Variants in WDR46 observed in about 807,000 individuals in gnomAD.
WDR46 encodes WD repeat-containing protein 46.
Under a neutral mutation model 74.7 loss-of-function variants are expected in WDR46, and 58 were observed. The ratio of observed to expected loss-of-function variants is 0.78; its 90% confidence interval spans 0.63 to 0.97. The LOEUF is 0.97. Ranked by LOEUF, WDR46 falls within the 50% of genes least tolerant of loss-of-function variation. The pLI is 0.00. For missense variants in WDR46, 702 were observed against 790.1 expected (o/e 0.89, Z 1.34); for synonymous variants, 278 against 297.3 (o/e 0.93, Z 0.67).
chr6:33,280,095 GGAA>G (rs1766000063), intron 12 of WDR46, among the ~76,000 whole-genome samples: 2 of 149,738 alleles, frequency 1.3e-5, no homozygotes, highest in East Asian at 4.0e-4. Flanking sequence ...CCAGCAGGGG[GGAA>G]CCTGACCCTC....
intron 10 of WDR46, among the ~76,000 whole-genome samples, chr6:33,286,464 T>C (rs976060088): frequency 6.6e-6 from 1 of 152,124 alleles, no homozygotes; most frequent in Non-Finnish European, 1.5e-5. Context: ...AAAGTTGTGA[T>C]AATTTGTTTT....
rs746543744 is a variant in WDR46 at position 33,279,170 on chromosome 6, T to C, written c.*106A>G. On this transcript the variant is annotated 3_prime_UTR_variant, in exon 15 of 15. Transcript: ENST00000374617. ...CCAGGAGACAGCTGTCCACCCCCAG[T>C]TGGGGAAGGGGCCACACTGCCCCCA... 9.4e-6 allele frequency: 14 copies of C among 1,483,966 alleles called. No homozygotes were observed. The highest frequency in any genetic ancestry group is 1.2e-5 in the South Asian group (1 of 80,636). The allele number at this position is 1,483,966 out of a possible 1,614,324, so 91.9% of individuals were successfully genotyped here.
rs772476741 is a variant in WDR46 at position 33,288,923 on chromosome 6, G to T, written c.160C>A (p.Arg54Ser). ...TAAGCATTTTTTGGTCTCTGAGGACGGAGCTCCCGATTCTTCTTGTTACGA... is the reference window on the plus strand; with the variant it reads ...TAAGCATTTTTTGGTCTCTGAGGACTGAGCTCCCGATTCTTCTTGTTACGA... ...PPRNKKNREL[R>S]PQRPKNAYIL... Residue 54 changes from arginine (R) to serine (S), a missense_variant, in exon 2 of 15, where the codon CGT (arginine) becomes AGT (serine). Coordinates refer to ENST00000374617, the MANE Select transcript of WDR46 (RefSeq NM_005452.6). The T allele has an allele frequency of 1.5e-5, 25 of 1,614,038 alleles. No individual in the cohort carries two copies. Among genetic ancestry groups the T allele is most frequent in the Non-Finnish European group, 1.9e-5 (23 of 1,180,018 alleles).
At position 33,289,212 on chromosome 6, in the gene WDR46, A is replaced by G. The variant is rs1181782820; in HGVS notation, c.-42T>C. ...GCGATCCACGTGCAAAACTCCTCTC[A>G]GCTGCCACACAGTCGGCTTGAAAAC... is the stretch of plus-strand genomic sequence containing the variant. On this transcript the variant is annotated 5_prime_UTR_variant, in exon 1 of 15. Transcript: ENST00000374617. The G allele has an allele frequency of 1.9e-6, 3 of 1,588,616 alleles. No individual in the cohort carries two copies. Among genetic ancestry groups the G allele is most frequent in the Non-Finnish European group, 2.6e-6 (3 of 1,168,348 alleles).
In WDR46 at chr6:33,287,721, G is replaced by C; in HGVS notation, c.624-3C>G. 1 of 1,613,754 alleles carries C rather than the reference G, an allele frequency of 6.2e-7. No homozygotes were observed. ...GGCGCCCTCCAAAAGCCAGGTGTCT[G>C]TTGGAGGTGAGGGGCAGGCAGGGTG... On this transcript the variant is annotated splice_region_variant and splice_polypyrimidine_tract_variant and intron_variant, in intron 6 of 14. Coordinates refer to ENST00000374617, the MANE Select transcript of WDR46 (RefSeq NM_005452.6).
rs754829442 is a variant in WDR46 at position 33,288,840 on chromosome 6, T to C, written c.243A>G (p.Glu81=). 6.2e-7 allele frequency: 1 copy of C among 1,614,130 alleles called. No homozygotes were observed. The highest frequency in any genetic ancestry group is 1.1e-5 in the South Asian group (1 of 91,076). The change falls in exon 2 of 15, where the codon GAA becomes GAG. Residue 81 remains glutamate (E), a synonymous_variant. Coordinates refer to ENST00000374617, the MANE Select transcript of WDR46 (RefSeq NM_005452.6). The part of the protein sequence containing the change: ...KKPQVPKKPR[E]WKNPESQRGL... ...CGCGCTGGGACTCCGGGTTCTTCCA[T>C]TCTCGGGGTTTCTTCGGGACCTGAG...
intron 12 of WDR46, among the ~76,000 whole-genome samples, chr6:33,280,205 C>T (rs1157763300): frequency 1.4e-5 from 2 of 146,798 alleles, no homozygotes; most frequent in Non-Finnish European, 3.0e-5. Flanking sequence ...AACCTGACCC[C>T]GTCCAGGAGA....
chr6:33,287,887 C>T, intron 6 of WDR46, 78 bp downstream of exon 6: 1 of 1,579,370 alleles, frequency 6.3e-7, no homozygotes, highest in Non-Finnish European at 8.7e-7. Context: ...TCATCAGCAA[C>T]CCAAACATAC....
Position 33,279,259 on chromosome 6 carries a change from C to T in WDR46, c.*17G>A. 1.2e-6 allele frequency: 2 copies of T among 1,613,852 alleles called. No individual in the cohort carries two copies. Among genetic ancestry groups the T allele is most frequent in the Non-Finnish European group, 1.7e-6 (2 of 1,179,848 alleles). Reference sequence around the variant, plus strand: ...ATCTTGGGGAGAGACTGTTCCCAGGCAACCCTGGAGTCTGGCTCAGCGCAC... The same window carrying T: ...ATCTTGGGGAGAGACTGTTCCCAGGTAACCCTGGAGTCTGGCTCAGCGCAC... On this transcript the variant is annotated 3_prime_UTR_variant, in exon 15 of 15. Coordinates refer to ENST00000374617, the MANE Select transcript of WDR46 (RefSeq NM_005452.6).
chr6:33,279,968 G>T, intron 12 of WDR46, 109 bp from the exon 13 acceptor site: 1 of 975,234 alleles, frequency 1.0e-6, no homozygotes, highest in Non-Finnish European at 1.5e-6. Context: ...CCCCCAGCAT[G>T]AGACATCAGG....
At chr6:33,281,092 A>G in intron 10 of WDR46, 105 bp from the exon 11 acceptor site, 1 of 1,189,974 alleles carries the variant, frequency 8.4e-7, no homozygotes, top group Non-Finnish European at 1.2e-6. Context: ...AAAGATTAAT[A>G]GTAATAACCA....
At chr6:33,281,984 C>A (rs1766227522) in intron 10 of WDR46, among the ~76,000 whole-genome samples, 1 of 152,188 alleles carries the variant, frequency 6.6e-6, no homozygotes, top group Admixed American at 6.5e-5. Context: ...CAGGCATGCG[C>A]CACCACCGCT....
intron 10 of WDR46, 113 bp from the exon 11 acceptor site, chr6:33,281,100 C>G (rs1766142949): frequency 9.4e-7 from 1 of 1,064,780 alleles, no homozygotes; most frequent in Non-Finnish European, 1.3e-6. Flanking sequence ...ATAGTAATAA[C>G]CACTGCCATC....
At chr6:33,283,934 G>T (rs1240470470) in intron 10 of WDR46, among the ~76,000 whole-genome samples, 1 of 150,442 alleles carries the variant, frequency 6.6e-6, no homozygotes, top group Non-Finnish European at 1.5e-5. Flanking sequence ...GCATCACCTG[G>T]CCAATCATTC....
intron 5 of WDR46, 52 bp downstream of exon 5, chr6:33,288,096 T>C (rs1037932237): frequency 9.9e-6 from 16 of 1,613,910 alleles, no homozygotes; most frequent in Admixed American, 6.7e-5. Context: ...CATTCCTCTA[T>C]TGTCCTGCAC....
At position 33,279,779 on chromosome 6, in the gene WDR46, C is replaced by T; in HGVS notation, c.1605G>A (p.Glu535=). 6.2e-7 allele frequency: 1 copy of T among 1,614,136 alleles called. No homozygotes were observed. The highest frequency in any genetic ancestry group is 2.2e-5 in the East Asian group (1 of 44,880). Residue 535 remains glutamate (E), a synonymous_variant, in exon 13 of 15, where the codon GAG becomes GAA. Coordinates refer to ENST00000374617, the MANE Select transcript of WDR46 (RefSeq NM_005452.6). ...TGCTCCATACCAGCCTCTCTATCTG[C>T]TCCTTCTTTCCCTGCTCCAGGGAGA... is the stretch of plus-strand genomic sequence containing the variant. ...DVISLEQGKK[E]QIERLGYDPQ...
chr6:33,286,774 C>G (rs371320875), intron 10 of WDR46, 21 bp downstream of exon 10: 1 of 1,582,276 alleles, frequency 6.3e-7, no homozygotes, highest in African/African-American at 1.4e-5. Context: ...CTCCTAACAC[C>G]TCACCCCACC....
intron 10 of WDR46, among the ~76,000 whole-genome samples, chr6:33,281,483 G>A (rs138303355): frequency 7.2e-5 from 11 of 152,178 alleles, no homozygotes. Flanking sequence ...TACACAGCAG[G>A]TTCAAATGCA....
In WDR46 at chr6:33,286,811, C is replaced by T. The variant is rs764204609; in HGVS notation, c.1099G>A (p.Val367Ile). Residue 367 changes from valine to isoleucine, a missense_variant, in exon 10 of 15, where the codon GTA (valine) becomes ATA (isoleucine). Coordinates refer to ENST00000374617, the MANE Select transcript of WDR46 (RefSeq NM_005452.6). Reference protein sequence around the residue: ...CHRGGVRAVAVDSTGTYMATS... With the variant: ...CHRGGVRAVAIDSTGTYMATS... ...GTGACTTACGTGCCTGTAGAATCTA[C>T]TGCCACAGCCCGGACCCCACCACGA... The T allele has an allele frequency of 3.7e-6, 6 of 1,613,988 alleles. No individual in the cohort carries two copies. The highest frequency in any genetic ancestry group is 1.7e-6 in the Non-Finnish European group (2 of 1,180,032).
Sources: gnomAD v4.1 joint callset for allele counts (sites outside exome capture counted in the v4.1 genomes callset) on GRCh38, gnomAD v4.1.1 for gene constraint, MANE v1.5 for transcripts, NCBI Gene and HGNC (gene_info 2026-07-23, HGNC 2026-07-21) for gene names.